Variants in SYNPR observed in about 807,000 individuals in gnomAD.
The protein encoded by SYNPR is synaptoporin.
In SYNPR, 23 loss-of-function variants were observed where a neutral mutation model predicts 32.9. That is an observed-to-expected ratio of 0.70 (90% CI 0.50 to 0.99). The LOEUF (loss-of-function observed/expected upper bound fraction) is 0.99. SYNPR is among the 50% of genes least tolerant of loss of function. SYNPR has a pLI of 0.00. For missense variants in SYNPR, 318 were observed against 349.3 expected (o/e 0.91, Z 0.71); for synonymous variants, 146 against 135.9 (o/e 1.07, Z -0.52).
chr3:63,314,249 A>T (rs1035717241), intron 2 of SYNPR, among the ~76,000 whole-genome samples: 2 of 150,886 alleles, frequency 1.3e-5, no homozygotes, highest in Non-Finnish European at 2.9e-5. Context: ...CAGTAGTGGG[A>T]CTGCTGGACC....
At chr3:63,442,990 GT>G in intron 2 of SYNPR, 1 of 985,692 alleles carries the variant, frequency 1.0e-6, no homozygotes, top group Non-Finnish European at 1.2e-6. Flanking sequence ...CTCCTAGTTT[GT>G]TTTTAAGCAC....
At chr3:63,485,196 T>C (rs1326110888) in intron 3 of SYNPR, among the ~76,000 whole-genome samples, 2 of 151,942 alleles carry the variant, frequency 1.3e-5, no homozygotes, top group Non-Finnish European at 2.9e-5. Flanking sequence ...ATGGGAACTA[T>C]GGAGGATGCC....
At chr3:63,500,507 G>C (rs1266558343) in intron 3 of SYNPR, among the ~76,000 whole-genome samples, 1 of 152,178 alleles carries the variant, frequency 6.6e-6, no homozygotes, top group Non-Finnish European at 1.5e-5. Context: ...ACAAACCAAA[G>C]TGTGTCAAAA....
At chr3:63,491,502 A>G (rs1701256040) in intron 3 of SYNPR, among the ~76,000 whole-genome samples, 1 of 152,014 alleles carries the variant, frequency 6.6e-6, no homozygotes, top group African/African-American at 2.4e-5. Flanking sequence ...TTACACTTTT[A>G]AAGGTTTATG....
intron 4 of SYNPR, among the ~76,000 whole-genome samples, chr3:63,599,518 G>A (rs1214209287): frequency 1.3e-5 from 2 of 152,162 alleles, no homozygotes; most frequent in Non-Finnish European, 2.9e-5. Flanking sequence ...TGTAGCCTGG[G>A]AGCATAAGCC....
chr3:63,420,486 G>A (rs953712706), intron 2 of SYNPR, among the ~76,000 whole-genome samples: 4 of 152,048 alleles, frequency 2.6e-5, no homozygotes, highest in African/African-American at 9.7e-5. Context: ...GTAGACCTGA[G>A]AAATTATCTT....
At chr3:63,401,652 G>T (rs541149356) in intron 2 of SYNPR, among the ~76,000 whole-genome samples, 1 of 152,178 alleles carries the variant, frequency 6.6e-6, no homozygotes, top group East Asian at 1.9e-4. Flanking sequence ...ATGAACTATG[G>T]AATCAGGTTA....
At chr3:63,538,991 C>A (rs1702255749) in intron 3 of SYNPR, among the ~76,000 whole-genome samples, 1 of 152,082 alleles carries the variant, frequency 6.6e-6, no homozygotes, top group African/African-American at 2.4e-5. Context: ...GCCTAGCTAA[C>A]TATATTCGGA....
At chr3:63,536,423 C>T (rs1575698252) in intron 3 of SYNPR, among the ~76,000 whole-genome samples, 1 of 152,050 alleles carries the variant, frequency 6.6e-6, no homozygotes, top group South Asian at 2.1e-4. Flanking sequence ...TTTCAGCCTC[C>T]GTGAGATGGT....
intron 2 of SYNPR, among the ~76,000 whole-genome samples, chr3:63,480,378 T>G (rs1701021935): frequency 6.6e-6 from 1 of 152,218 alleles, no homozygotes; most frequent in Non-Finnish European, 1.5e-5. Context: ...TTTGAAATAT[T>G]GATGTATATT....
intron 3 of SYNPR, among the ~76,000 whole-genome samples, chr3:63,538,149 A>G (rs1169144278): frequency 1.3e-5 from 2 of 152,070 alleles, no homozygotes; most frequent in Non-Finnish European, 2.9e-5. Flanking sequence ...ATGACATTTG[A>G]TCGTGAGGCT....
chr3:63,296,125 C>T (rs2086789772), intron 2 of SYNPR, among the ~76,000 whole-genome samples: 1 of 152,132 alleles, frequency 6.6e-6, no homozygotes, highest in Admixed American at 6.5e-5. Flanking sequence ...GTGTGGCATA[C>T]AGCATAGGGG....
At chr3:63,395,073 T>C (rs962831705) in intron 2 of SYNPR, among the ~76,000 whole-genome samples, 1 of 152,084 alleles carries the variant, frequency 6.6e-6, no homozygotes, top group African/African-American at 2.4e-5. Flanking sequence ...TAAAACAGAC[T>C]TACTTCAGGG....
intron 3 of SYNPR, among the ~76,000 whole-genome samples, chr3:63,514,286 A>G (rs964594386): frequency 4.0e-5 from 6 of 151,636 alleles, no homozygotes; most frequent in South Asian, 2.1e-4. Context: ...GTTTTTTGGG[A>G]AAAAAAAGCA....
intron 2 of SYNPR, among the ~76,000 whole-genome samples, chr3:63,476,376 A>T (rs1312468421): frequency 8.1e-6 from 1 of 124,154 alleles, no homozygotes. Flanking sequence ...AAGGAAGGAA[A>T]GGAGGGAGAG....
At chr3:63,236,958 T>G (rs1342739598) in intron 1 of SYNPR, among the ~76,000 whole-genome samples, 5 of 152,180 alleles carry the variant, frequency 3.3e-5, no homozygotes, top group Non-Finnish European at 4.4e-5. Flanking sequence ...GAGGAACACA[T>G]TCAGTGCTTC....
intron 2 of SYNPR, among the ~76,000 whole-genome samples, chr3:63,315,064 C>T (rs939313752): frequency 1.2e-4 from 18 of 151,836 alleles, no homozygotes; most frequent in East Asian, 7.8e-4. Flanking sequence ...GGTTTATTTC[C>T]GGTTTCTCTA....
intron 4 of SYNPR, among the ~76,000 whole-genome samples, chr3:63,592,076 A>T (rs954140160): frequency 6.6e-6 from 1 of 152,020 alleles, no homozygotes; most frequent in African/African-American, 2.4e-5. Context: ...ACAGGTGTCC[A>T]TAAGAGAAAA....
chr3:63,482,703 G>T (rs895043031), intron 3 of SYNPR, among the ~76,000 whole-genome samples: 3 of 152,058 alleles, frequency 2.0e-5, no homozygotes, highest in Non-Finnish European at 4.4e-5. Context: ...TTGTACTTTT[G>T]CCCCCATTAA....
Sources: allele counts gnomAD v4.1 joint callset (sites outside exome capture counted in the v4.1 genomes callset), GRCh38; gene constraint gnomAD v4.1.1; transcripts MANE v1.5; gene names NCBI Gene and HGNC (gene_info 2026-07-23, HGNC 2026-07-21).